Variants in SALL2 observed in about 807,000 individuals in gnomAD.
SALL2 encodes sal-like protein 2.
In SALL2, 32 loss-of-function variants were observed where a neutral mutation model predicts 58.5. The observed-to-expected ratio is 0.55, with a 90% CI of 0.41 to 0.74. SALL2 has a LOEUF of 0.74. Ranked by LOEUF, SALL2 falls within the 30% of genes least tolerant of loss-of-function variation. The probability of loss-of-function intolerance (pLI) is 0.00; values close to 1 mark genes in which losing one functional copy is unlikely to be tolerated. For synonymous variants in SALL2, 516 were observed against 513.6 expected (o/e 1.00, Z -0.06); for missense variants, 1,201 against 1,268.9 (o/e 0.95, Z 0.81).
rs2061626292 is a variant in SALL2 at position 21,526,172 on chromosome 14, A to G, written c.-45T>C. 6.5e-7 allele frequency: 1 copy of G among 1,535,134 alleles called. No homozygotes were observed. Among genetic ancestry groups the G allele is most frequent in the African/African-American group, 1.4e-5 (1 of 72,824 alleles). Reference sequence around the variant, plus strand: ...GGCCAGGTGGGGTGGGAGACAATGGATATTGGGATTGAGGGAGGCGATGGC... The same window carrying G: ...GGCCAGGTGGGGTGGGAGACAATGGGTATTGGGATTGAGGGAGGCGATGGC... On this transcript the variant is annotated 5_prime_UTR_variant, in exon 1 of 2. Coordinates refer to ENST00000537235, the MANE Select transcript of SALL2 (RefSeq NM_001364564.1).
upstream of SALL2, chr14:21,526,434 A>G: frequency 2.4e-6 from 3 of 1,249,548 alleles, no homozygotes; most frequent in Non-Finnish European, 1.0e-6. Context: ...AGGGAGCGCT[A>G]GCGGGGGCGT....
rs1892191718 is a variant in SALL2 at position 21,524,441 on chromosome 14, A to G, written c.1281T>C (p.His427=). 1.2e-6 allele frequency: 2 copies of G among 1,614,132 alleles called. No individual in the cohort carries two copies. Among genetic ancestry groups the G allele is most frequent in the Non-Finnish European group, 1.7e-6 (2 of 1,180,058 alleles). Residue 427 remains histidine (H), a synonymous_variant, in exon 2 of 2, where the codon CAT becomes CAC. Coordinates refer to ENST00000537235, the MANE Select transcript of SALL2 (RefSeq NM_001364564.1). Reference sequence around the variant, plus strand: ...GTACTGGGTGTGGGTTCATCTGCACATGTGGGTACTTCTCACGATGCCGGT... The same window carrying G: ...GTACTGGGTGTGGGTTCATCTGCACGTGTGGGTACTTCTCACGATGCCGGT... ...HFHRHREKYP[H]VQMNPHPVPE... is the part of the protein sequence containing the mutation.
At chr14:21,530,221 T>C (rs530151525), upstream of SALL2, among the ~76,000 whole-genome samples, 1 of 152,272 alleles carries the variant, frequency 6.6e-6, no homozygotes, top group East Asian at 1.9e-4. Context: ...TATGGGTATC[T>C]TGAAGCATAT....
At chr14:21,536,773 G>A in intron 1 of SALL2, 3 of 1,235,382 alleles carry the variant, frequency 2.4e-6, no homozygotes, top group Non-Finnish European at 3.5e-6. Context: ...CCCATGGCCC[G>A]AGTGCCCTCC....
chr14:21,525,430 G>T lies in SALL2; in HGVS notation c.292C>A (p.Pro98Thr). 1 of 1,613,982 alleles carries T rather than the reference G, an allele frequency of 6.2e-7. No homozygotes were observed. The highest frequency in any genetic ancestry group is 8.5e-7 in the Non-Finnish European group (1 of 1,179,936). ...GTGGGCACGGAGGACCCAGAATCTG[G>T]GGGGTTGCTATGCTCTGTGTCCATG... is the stretch of plus-strand genomic sequence containing the variant. ...QVMDTEHSNP[P>T]DSGSSVPTDP... Residue 98 changes from proline (P) to threonine (T), a missense_variant, in exon 2 of 2, where the codon CCA becomes ACA. Pro to Thr is a conservative substitution (Grantham distance 38). Around this residue, in one of 3 missense-constraint regions of SALL2, gnomAD observed 467 missense variants for 468.9 expected, o/e 1.00. Transcript: ENST00000537235. This position sits in a 1 kb window ranked among gnomAD's most constrained non-coding sequence, Gnocchi z 4.4.
At chr14:21,526,466 G>T (rs907487097), upstream of SALL2, 26 of 1,299,994 alleles carry the variant, frequency 2.0e-5, no homozygotes, top group Non-Finnish European at 2.5e-5. Flanking sequence ...CTCAGAGCTC[G>T]GGAGAGTTTC....
chr14:21,536,989 C>T, exon 1 of SALL2: 2 of 1,410,606 alleles, frequency 1.4e-6, no homozygotes, highest in South Asian at 1.2e-5. Context: ...GACCTGGTCT[C>T]GTCTCCCCCT....
At position 21,525,759 on chromosome 14, in the gene SALL2, G is replaced by C; in HGVS notation, c.68-105C>G. The stretch of plus-strand genomic sequence containing the variant: ...AGTAACCGCTAGTTGGGGGTGGGGA[G>C]ATGAGCTCACCATCAGGGCCATGCA... On this transcript the variant is annotated intron_variant, in intron 1 of 1. Coordinates refer to ENST00000537235, the MANE Select transcript of SALL2 (RefSeq NM_001364564.1). The surrounding 1 kb of genome is among the most constrained non-coding windows in gnomAD (Gnocchi z 4.4). The C allele has an allele frequency of 7.9e-7, 1 of 1,270,572 alleles. No homozygotes were observed. Among genetic ancestry groups the C allele is most frequent in the Non-Finnish European group, 1.1e-6 (1 of 938,220 alleles). The allele number at this position is 1,270,572 out of a possible 1,614,324, so 78.7% of individuals were successfully genotyped here. A position where few individuals can be genotyped will look rare whatever the true frequency, so the allele number is the denominator to read the frequency against.
Position 21,521,573 on chromosome 14 carries a change from A to T in SALL2, c.*1131T>A, listed in dbSNP as rs1892032606. 1.9e-5 allele frequency: 1 copy of T among 52,006 alleles called. No individual in the cohort carries two copies. The highest frequency in any genetic ancestry group is 4.1e-5 in the Non-Finnish European group (1 of 24,586). 3.2% of individuals were successfully genotyped at this position (52,006 alleles called of 1,614,324 possible). A position where few individuals can be genotyped will look rare whatever the true frequency, so the allele number is the denominator to read the frequency against. On this transcript the variant is annotated 3_prime_UTR_variant, in exon 2 of 2. Transcript: ENST00000537235. ...AAAGAATATTAACGAGAATGTCCAG[A>T]CATTCACAAGAATTTGAGGCCTTTT...
In SALL2 at chr14:21,523,180, G is replaced by T; in HGVS notation, c.2542C>A (p.Gln848Lys). ...PPPPDSLDQP[Q>K]PMEQGSSGVL... ...CCACTGCTTCCCTGCTCCATTGGCTGAGGCTGATCCAGGCTGTCAGGTGGT... is the reference window on the plus strand; with the variant it reads ...CCACTGCTTCCCTGCTCCATTGGCTTAGGCTGATCCAGGCTGTCAGGTGGT... The change falls in exon 2 of 2, where the codon CAG becomes AAG. Residue 848 changes from glutamine (Q) to lysine (K), a missense_variant. Physicochemically the swap from Gln to Lys is moderately conservative, Grantham distance 53. Coordinates refer to ENST00000537235, the MANE Select transcript of SALL2 (RefSeq NM_001364564.1). This position sits in a 1 kb window ranked among gnomAD's most constrained non-coding sequence, Gnocchi z 4.4. The T allele has an allele frequency of 1.2e-6, 2 of 1,614,212 alleles. No individual in the cohort carries two copies. Among genetic ancestry groups the T allele is most frequent in the South Asian group, 2.2e-5 (2 of 91,084 alleles).
upstream of SALL2, among the ~76,000 whole-genome samples, chr14:21,530,365 G>A (rs1430855883): frequency 2.9e-4 from 35 of 122,526 alleles, no homozygotes; most frequent in African/African-American, 8.2e-4. Flanking sequence ...TCGGCTCACC[G>A]CAACCTCCAC....
At chr14:21,527,368 C>T (rs1017514711), upstream of SALL2, among the ~76,000 whole-genome samples, 28 of 152,204 alleles carry the variant, frequency 1.8e-4, no homozygotes, top group Non-Finnish European at 1.3e-4. Context: ...AATAAAATGC[C>T]TCCTGGACCA....
upstream of SALL2, among the ~76,000 whole-genome samples, chr14:21,528,251 G>A (rs553210950): frequency 2.6e-5 from 4 of 151,964 alleles, no homozygotes; most frequent in South Asian, 2.1e-4. Context: ...CAAAATAATC[G>A]AAGTAACCTT....
In SALL2 at chr14:21,522,028, G is replaced by T. The variant is rs1189312471; in HGVS notation, c.*676C>A. On this transcript the variant is annotated 3_prime_UTR_variant, in exon 2 of 2. Transcript: ENST00000537235. ...GTTTGCTACTTCTTGTCTATGATGG[G>T]CTTCTCAGGCACTGCCTTGGGTGCA... The T allele has an allele frequency of 6.3e-7, 1 of 1,593,564 alleles. No homozygotes were observed. Among genetic ancestry groups the T allele is most frequent in the Non-Finnish European group, 8.5e-7 (1 of 1,177,670 alleles).
At chr14:21,526,014 T>TCCCCCAACCC in intron 1 of SALL2, 47 bp downstream of exon 1, 1 of 1,041,066 alleles carries the variant, frequency 9.6e-7, no homozygotes, top group Non-Finnish European at 1.4e-6. Context: ...CCCCTGCGCA[T>TCCCCCAACCC]CCCCCTCCGC....
In SALL2 at chr14:21,525,866, G is replaced by T. The variant is rs890342426; in HGVS notation, c.67+195C>A. On this transcript the variant is annotated intron_variant, in intron 1 of 1. Transcript: ENST00000537235. The surrounding 1 kb of genome is among the most constrained non-coding windows in gnomAD (Gnocchi z 4.4). Reference sequence around the variant, plus strand: ...GGGGGGTGGGGAGGGAGGAGGGGAGGGGGGCAAGAGCATGCTACTCCCCTC... The same window carrying T: ...GGGGGGTGGGGAGGGAGGAGGGGAGTGGGGCAAGAGCATGCTACTCCCCTC... Among the ~76,000 whole-genome samples, 3 of 148,340 alleles carry T rather than the reference G, an allele frequency of 2.0e-5. No homozygotes were observed. The highest frequency in any genetic ancestry group is 1.3e-4 in the Admixed American group (2 of 14,958).
Position 21,523,690 on chromosome 14 carries a change from C to T in SALL2, c.2032G>A (p.Gly678Ser). Reference sequence around the variant, plus strand: ...CGGGCAGCTGGACTGGCCTTGTGGCCCACGAAATGTGCACGCAGATTACCC... The same window carrying T: ...CGGGCAGCTGGACTGGCCTTGTGGCTCACGAAATGTGCACGCAGATTACCC... The part of the protein sequence containing the change: ...TRGNLRAHFV[G>S]HKASPAARAQ... Residue 678 changes from glycine to serine, a missense_variant, in exon 2 of 2, where the codon GGC (glycine) becomes AGC (serine). Coordinates refer to ENST00000537235, the MANE Select transcript of SALL2 (RefSeq NM_001364564.1). The surrounding 1 kb of genome is among the most constrained non-coding windows in gnomAD (Gnocchi z 4.4). The T allele has an allele frequency of 6.2e-7, 1 of 1,614,154 alleles. No homozygotes were observed. The highest frequency in any genetic ancestry group is 8.5e-7 in the Non-Finnish European group (1 of 1,180,038).
At chr14:21,536,061 C>A (rs1167767430) in intron 1 of SALL2, among the ~76,000 whole-genome samples, 2 of 152,190 alleles carry the variant, frequency 1.3e-5, no homozygotes, top group African/African-American at 4.8e-5. Flanking sequence ...CAATTCCCTG[C>A]TTGCTCTACT....
Position 21,525,543 on chromosome 14 carries a change from A to T in SALL2, c.179T>A (p.Val60Glu), listed in dbSNP as rs1892265491. ...CTCCTGGCCCCCAATTATCACCATT[A>T]CAGGAGGGTCAGTAGAACATGCGTT... ...HQNACSTDPPVMVIIGGQENP... is the reference protein window; with the variant it reads ...HQNACSTDPPEMVIIGGQENP... Residue 60 changes from valine to glutamate, a missense_variant, in exon 2 of 2, where the codon GTA (valine) becomes GAA (glutamate). Val to Glu is a moderately radical substitution (Grantham distance 121). Around this residue, in one of 3 missense-constraint regions of SALL2, gnomAD observed 467 missense variants for 468.9 expected, o/e 1.00. Coordinates refer to ENST00000537235, the MANE Select transcript of SALL2 (RefSeq NM_001364564.1). This position sits in a 1 kb window ranked among gnomAD's most constrained non-coding sequence, Gnocchi z 4.4. 1.9e-6 allele frequency: 3 copies of T among 1,613,960 alleles called. No homozygotes were observed. The highest frequency in any genetic ancestry group is 2.5e-6 in the Non-Finnish European group (3 of 1,179,966).
Sources: gnomAD v4.1 joint callset for allele counts (sites outside exome capture counted in the v4.1 genomes callset) on GRCh38, gnomAD v4.1.1 for gene constraint, gnomAD v4.1.1 regional missense constraint, Gnocchi (gnomAD v3.1) non-coding constraint, MANE v1.5 for transcripts, NCBI Gene and HGNC (gene_info 2026-07-23, HGNC 2026-07-21) for gene names.